Variants in EPB41L3 observed in about 807,000 individuals in gnomAD.
The protein encoded by EPB41L3 is erythrocyte membrane protein band 4.1 like 3, also known as band 4.1-like protein 3.
EPB41L3 carries 57 observed loss-of-function variants against 127.1 expected under a neutral mutation model. The observed-to-expected ratio is 0.45, with a 90% CI of 0.36 to 0.56. EPB41L3 has a LOEUF of 0.56. Ranked by LOEUF, EPB41L3 falls within the 20% of genes least tolerant of loss-of-function variation. EPB41L3 has a pLI of 0.00. For synonymous variants in EPB41L3, 572 were observed against 549.5 expected, an observed-to-expected ratio of 1.04 and a Z score of -0.57; for missense variants, 1,273 against 1,372.2, an observed-to-expected ratio of 0.93 and a Z score of 1.14.
In EPB41L3 at chr18:5,579,070, C is replaced by T. The variant is rs1284430508; in HGVS notation, c.-306+33270G>A. Among the ~76,000 whole-genome samples, 2 of 152,062 alleles carry T rather than the reference C, an allele frequency of 1.3e-5. 1 individual carries two copies. The highest frequency in any genetic ancestry group is 1.3e-4 in the Admixed American group (2 of 15,258). On this transcript the variant is annotated intron_variant, in intron 3 of 21. Transcript: ENST00000545076. ...ATGTTTTACACACTGGAATATTAAA[C>T]AATAGAACAAAACAGATGTTATTAC...
At chr18:5,405,352 T>G (rs2075196666) in intron 16 of EPB41L3, among the ~76,000 whole-genome samples, 1 of 152,182 alleles carries the variant, frequency 6.6e-6, no homozygotes, top group Admixed American at 6.5e-5. Context: ...CAGAAAAGGT[T>G]AACCAATACA....
At chr18:5,521,195 G>T (rs2092974452) in intron 1 of EPB41L3, 1 of 152,134 alleles carries the variant, frequency 6.6e-6, no homozygotes, top group Non-Finnish European at 1.5e-5. Flanking sequence ...ACAATGATTT[G>T]CTTTGTAAGC....
intron 1 of EPB41L3, among the ~76,000 whole-genome samples, chr18:5,500,012 C>T (rs1051838767): frequency 2.6e-5 from 4 of 151,926 alleles, no homozygotes; most frequent in African/African-American, 9.7e-5. Context: ...GTCTGCTTTT[C>T]GAGGCTCAAT....
At chr18:5,593,631 C>T (rs12185445) in intron 3 of EPB41L3, among the ~76,000 whole-genome samples, 42,921 of 151,882 alleles carry the variant, frequency 0.28, 6,200 homozygotes, top group East Asian at 0.4. Flanking sequence ...TGAGAGCAAC[C>T]GGTCTGACCA....
chr18:5,420,439 G>A (rs981748403), intron 11 of EPB41L3, among the ~76,000 whole-genome samples: 11 of 152,104 alleles, frequency 7.2e-5, no homozygotes, highest in Non-Finnish European at 1.5e-4. Flanking sequence ...AAAGCTCCAT[G>A]GGTAATAACA....
chr18:5,410,589 CG>C lies in EPB41L3; in HGVS notation c.2097del (p.Asp700ThrfsTer22). On this transcript the variant is annotated frameshift_variant, in exon 14 of 23. Coordinates refer to ENST00000341928, the MANE Select transcript of EPB41L3 (RefSeq NM_012307.5). LOFTEE classifies it high-confidence loss of function. ...ETDSERTDTA[A>X]DGETTATESD... ...ACCTCAGTGGCAGTGGTCTCCCCGT[CG>C]GCTGCGGTGTCCGTGCGCTCACTGT... The C allele has an allele frequency of 6.2e-7, 1 of 1,613,734 alleles. No homozygotes were observed. The highest frequency in any genetic ancestry group is 8.5e-7 in the Non-Finnish European group (1 of 1,179,750).
chr18:5,406,699 C>A, intron 16 of EPB41L3, 78 bp downstream of exon 16: 1 of 1,325,278 alleles, frequency 7.5e-7, no homozygotes, highest in South Asian at 1.4e-5. Context: ...AGAAGACTGT[C>A]AAATGCAATT....
chr18:5,547,986 C>G (rs1306745913), upstream of EPB41L3, among the ~76,000 whole-genome samples: 1 of 152,144 alleles, frequency 6.6e-6, no homozygotes, highest in Non-Finnish European at 1.5e-5. Context: ...TTGAGCAAAC[C>G]CTACAAATGC....
chr18:5,407,192 AAAGAATT>A, intron 15 of EPB41L3: 1 of 546,602 alleles, frequency 1.8e-6, no homozygotes, highest in Non-Finnish European at 3.2e-6. Flanking sequence ...ATGGATACCA[AAAGAATT>A]TTAGAAGGCA....
chr18:5,593,043 C>A (rs1430105326), intron 3 of EPB41L3, among the ~76,000 whole-genome samples: 1 of 152,096 alleles, frequency 6.6e-6, no homozygotes, highest in South Asian at 2.1e-4. Context: ...CTTTAAAAAC[C>A]AGTGCCAGGG....
chr18:5,412,821 G>A (rs2076357141), intron 13 of EPB41L3, among the ~76,000 whole-genome samples: 1 of 150,716 alleles, frequency 6.6e-6, no homozygotes, highest in South Asian at 2.1e-4. Context: ...AACTGTATTG[G>A]GTAATGGATA....
At chr18:5,454,968 T>C (rs766948981) in intron 3 of EPB41L3, among the ~76,000 whole-genome samples, 2 of 152,236 alleles carry the variant, frequency 1.3e-5, no homozygotes, top group African/African-American at 2.4e-5. Flanking sequence ...AAGGCTGGAC[T>C]CTGGTTCTAC....
chr18:5,629,603 T>TC (rs1436906226), upstream of EPB41L3, among the ~76,000 whole-genome samples: 4 of 151,454 alleles, frequency 2.6e-5, no homozygotes, highest in African/African-American at 9.7e-5. Context: ...GGCCCCCCCC[T>TC]CCCCCGCGTT....
At chr18:5,538,316 A>G (rs1598798633) in intron 1 of EPB41L3, among the ~76,000 whole-genome samples, 1 of 152,210 alleles carries the variant, frequency 6.6e-6, no homozygotes, top group Non-Finnish European at 1.5e-5. Flanking sequence ...AGAGTGCTCC[A>G]TTACTGTCTC....
intron 21 of EPB41L3, 45 bp from the exon 22 acceptor site, chr18:5,394,838 G>A (rs1279097325): frequency 2.6e-6 from 4 of 1,565,492 alleles, no homozygotes; most frequent in Admixed American, 1.7e-5. Context: ...AAAGGAGGTG[G>A]AACATGCATG....
intron 1 of EPB41L3, among the ~76,000 whole-genome samples, chr18:5,538,532 G>C (rs931651187): frequency 1.3e-5 from 2 of 152,156 alleles, no homozygotes; most frequent in African/African-American, 2.4e-5. Flanking sequence ...AAAGAAACTC[G>C]CTATTTGAGG....
At chr18:5,437,523 AC>A (rs1440740929) in intron 6 of EPB41L3, among the ~76,000 whole-genome samples, 1 of 152,248 alleles carries the variant, frequency 6.6e-6, no homozygotes, top group Non-Finnish European at 1.5e-5. Flanking sequence ...CAAAGCTGTT[AC>A]CAAACTGAAA....
chr18:5,434,659 A>C (rs140712138), intron 6 of EPB41L3, among the ~76,000 whole-genome samples: 1 of 152,338 alleles, frequency 6.6e-6, no homozygotes, highest in African/African-American at 2.4e-5. Context: ...CTAACACATT[A>C]CTCACGCCTT....
Position 5,471,880 on chromosome 18 carries a change from G to A in EPB41L3, c.381+6361C>T, listed in dbSNP as rs545242124. ...GGCCTTCACACAATGTGACAACTGG[G>A]AGTGACTGGGAGTTAGCAAAAAGAA... On this transcript the variant is annotated intron_variant, in intron 3 of 22. Transcript: ENST00000341928. Among the ~76,000 whole-genome samples, 2 of 152,234 alleles carry A rather than the reference G, an allele frequency of 1.3e-5. 1 individual carries two copies. The highest frequency in any genetic ancestry group is 4.2e-4 in the South Asian group (2 of 4,814).
Sources: allele counts gnomAD v4.1 joint callset (sites outside exome capture counted in the v4.1 genomes callset), GRCh38; gene constraint gnomAD v4.1.1; transcripts MANE v1.5; gene names NCBI Gene and HGNC (gene_info 2026-07-23, HGNC 2026-07-21).